The following GPHN variants were observed in gnomAD, a reference collection of about 807,000 sequenced individuals.
The protein encoded by GPHN is gephyrin.
Under a neutral mutation model 95.5 loss-of-function variants are expected in GPHN, and 17 were observed. The observed-to-expected ratio is 0.18, with a 90% CI of 0.12 to 0.27. GPHN has a LOEUF of 0.27. GPHN is among the 10% of genes least tolerant of loss of function. The pLI is 1.00. For missense variants in GPHN, 660 were observed against 978.1 expected (o/e 0.67, Z 4.34); for synonymous variants, 320 against 322.5 (o/e 0.99, Z 0.08).
chr14:67,279,003 C>T, the GPHN span: 21 of 599,076 alleles, frequency 3.5e-5, no homozygotes, highest in Non-Finnish European at 4.7e-5. Flanking sequence ...TTTTCCCCCC[C>T]ATCTTTCCCC....
intron 2 of GPHN, among the ~76,000 whole-genome samples, chr14:66,744,067 A>G (rs2073034777): frequency 1.3e-5 from 2 of 152,156 alleles, no homozygotes; most frequent in Non-Finnish European, 2.9e-5. Context: ...CCCAATAAAA[A>G]CATAACTTCC....
chr14:67,431,409 A>AAAC, the GPHN span, among the ~76,000 whole-genome samples: 7 of 150,486 alleles, frequency 4.7e-5, no homozygotes, highest in African/African-American at 1.7e-4. Context: ...AAAAAAAAAA[A>AAAC]AAAAAAAAAA....
the GPHN span, chr14:67,302,307 T>G: frequency 8.2e-6 from 9 of 1,091,752 alleles, no homozygotes; most frequent in East Asian, 2.1e-4. Flanking sequence ...TTAAGATAAC[T>G]GAAGGTTAGT....
At chr14:67,579,992 C>T in the GPHN span, 1 of 967,436 alleles carries the variant, frequency 1.0e-6, no homozygotes. Flanking sequence ...GTGCTGAGCC[C>T]AAGGTGCTGC....
intron 9 of GPHN, among the ~76,000 whole-genome samples, chr14:67,012,773 T>C (rs1392680566): frequency 6.6e-6 from 1 of 152,182 alleles, no homozygotes; most frequent in Non-Finnish European, 1.5e-5. Context: ...CACCTTTAGC[T>C]GTTTCCTCAG....
At chr14:66,792,698 G>A (rs935846051) in intron 3 of GPHN, among the ~76,000 whole-genome samples, 1 of 152,186 alleles carries the variant, frequency 6.6e-6, no homozygotes, top group Non-Finnish European at 1.5e-5. Flanking sequence ...GCAAAGACCA[G>A]CTCAGTCAGG....
At chr14:67,636,065 A>G in the GPHN span, among the ~76,000 whole-genome samples, 4 of 152,028 alleles carry the variant, frequency 2.6e-5, no homozygotes, top group African/African-American at 9.7e-5. Flanking sequence ...CATATTTAGA[A>G]ACAATTTGGA....
the GPHN span, among the ~76,000 whole-genome samples, chr14:67,253,733 T>C: frequency 2.0e-5 from 3 of 151,766 alleles, no homozygotes; most frequent in Non-Finnish European, 1.5e-5. Flanking sequence ...CCCAGCTACT[T>C]GGGAGGCTCA....
At chr14:67,062,954 G>C (rs1359352349) in intron 11 of GPHN, among the ~76,000 whole-genome samples, 1 of 152,150 alleles carries the variant, frequency 6.6e-6, no homozygotes, top group African/African-American at 2.4e-5. Flanking sequence ...TTTTGCTTTT[G>C]TTGCCATTGC....
At chr14:66,833,529 A>G (rs1161571733) in intron 4 of GPHN, among the ~76,000 whole-genome samples, 10 of 152,162 alleles carry the variant, frequency 6.6e-5, no homozygotes, top group Non-Finnish European at 1.5e-5. Context: ...CCTATCAGCC[A>G]GTATAGACAG....
intron 14 of GPHN, among the ~76,000 whole-genome samples, 169 bp from the exon 15 acceptor site, chr14:67,111,692 C>T (rs576953438): frequency 1.0e-3 from 157 of 152,162 alleles, no homozygotes; most frequent in African/African-American, 3.5e-3. Context: ...TCTAATTTTT[C>T]AGGAACCTGT....
At chr14:66,822,161 T>G (rs968619454) in intron 3 of GPHN, among the ~76,000 whole-genome samples, 1 of 152,090 alleles carries the variant, frequency 6.6e-6, no homozygotes. Flanking sequence ...CATCTTGGCC[T>G]GGGTGGCCTC....
Position 67,179,691 on chromosome 14 carries a change from T to A in GPHN, c.2176+17T>A. On this transcript the variant is annotated intron_variant, in intron 22 of 22. Transcript: ENST00000478722. ...AGAGTACAGGTTAGTCATTCACATC[T>A]ACAGATATTCCTAGACACCTATCCT... 7.9e-7 allele frequency: 1 copy of A among 1,264,902 alleles called. No individual in the cohort carries two copies. Among genetic ancestry groups the A allele is most frequent in the Non-Finnish European group, 1.2e-6 (1 of 860,546 alleles). The allele number at this position is 1,264,902 out of a possible 1,614,324, so 78.4% of individuals were successfully genotyped here.
intron 13 of GPHN, among the ~76,000 whole-genome samples, chr14:67,108,789 TAAC>T (rs2078197412): frequency 6.6e-6 from 1 of 150,680 alleles, no homozygotes; most frequent in African/African-American, 2.4e-5. Flanking sequence ...GTGGTTAAAA[TAAC>T]AACAATGACA....
chr14:66,585,690 T>G (rs2061391461), intron 1 of GPHN, among the ~76,000 whole-genome samples: 1 of 152,162 alleles, frequency 6.6e-6, no homozygotes, highest in East Asian at 1.9e-4. Flanking sequence ...TCCATGTAGT[T>G]GAGCAGTTTT....
At chr14:67,652,960 T>C in the GPHN span, among the ~76,000 whole-genome samples, 3 of 152,116 alleles carry the variant, frequency 2.0e-5, no homozygotes, top group African/African-American at 7.2e-5. Context: ...TGGCTAATTT[T>C]TTTGTATTTT....
chr14:67,122,117 T>C (rs2079042586), intron 16 of GPHN, 139 bp from the exon 17 acceptor site: 1 of 760,852 alleles, frequency 1.3e-6, no homozygotes, highest in Admixed American at 2.1e-5. Flanking sequence ...TAAAGATCCT[T>C]TGGGCATTCA....
At chr14:67,319,115 T>C in the GPHN span, among the ~76,000 whole-genome samples, 1 of 151,976 alleles carries the variant, frequency 6.6e-6, no homozygotes, top group African/African-American at 2.4e-5. Flanking sequence ...TAACAACTAA[T>C]ACATGATTGG....
chr14:66,893,980 C>T (rs1239163509), intron 5 of GPHN, among the ~76,000 whole-genome samples: 1 of 152,250 alleles, frequency 6.6e-6, no homozygotes, highest in African/African-American at 2.4e-5. Context: ...ATCAAGCTAC[C>T]AATGACTTTC....
Sources: allele counts gnomAD v4.1 joint callset (sites outside exome capture counted in the v4.1 genomes callset), GRCh38; gene constraint gnomAD v4.1.1; transcripts MANE v1.5; gene names NCBI Gene and HGNC (gene_info 2026-07-23, HGNC 2026-07-21).